The following LYSMD3 variants were observed in gnomAD, a reference collection of about 807,000 sequenced individuals.
LYSMD3 encodes the protein lysM and putative peptidoglycan-binding domain-containing protein 3.
Under a neutral mutation model 26.1 loss-of-function variants are expected in LYSMD3, and 13 were observed. The ratio of observed to expected loss-of-function variants is 0.50; its 90% CI spans 0.32 to 0.79. LYSMD3 has a LOEUF of 0.79. LYSMD3 is among the 30% of genes least tolerant of loss of function. The pLI is 0.03. For synonymous variants in LYSMD3, 109 were observed against 119.4 expected (o/e 0.91, Z 0.57); for missense variants, 331 against 362.5 (o/e 0.91, Z 0.71).
At chr5:90,526,768 T>A (rs1753233144) in intron 1 of LYSMD3, among the ~76,000 whole-genome samples, 1 of 152,192 alleles carries the variant, frequency 6.6e-6, no homozygotes, top group Admixed American at 6.5e-5. Flanking sequence ...TGCATGGCTA[T>A]GATTATGAAT....
At chr5:90,522,302 T>C (rs1355281107) in intron 2 of LYSMD3, among the ~76,000 whole-genome samples, 1 of 152,228 alleles carries the variant, frequency 6.6e-6, no homozygotes, top group Non-Finnish European at 1.5e-5. Flanking sequence ...GCTGCCTGCT[T>C]ATGTACAACC....
Position 90,518,551 on chromosome 5 carries a change from T to C in LYSMD3, c.*268A>G, listed in dbSNP as rs1707560296. The C allele has an allele frequency of 2.1e-5, 7 of 339,500 alleles. No individual in the cohort carries two copies. Among genetic ancestry groups the C allele is most frequent in the African/African-American group, 6.3e-5 (3 of 47,332 alleles). 21.0% of individuals were successfully genotyped at this position (339,500 alleles called of 1,614,324 possible). On this transcript the variant is annotated 3_prime_UTR_variant, in exon 3 of 3. Coordinates refer to ENST00000315948, the MANE Select transcript of LYSMD3 (RefSeq NM_198273.2). ...ATTTAAACATGCATTTTAAGAAAAATGATACATCTTCCAAGTTAAGTACTT... is the reference window on the plus strand; with the variant it reads ...ATTTAAACATGCATTTTAAGAAAAACGATACATCTTCCAAGTTAAGTACTT...
chr5:90,525,719 C>T (rs557055611), intron 1 of LYSMD3, among the ~76,000 whole-genome samples: 5 of 152,136 alleles, frequency 3.3e-5, no homozygotes, highest in South Asian at 2.1e-4. Flanking sequence ...CAAAGTGCTA[C>T]GATTACAGGT....
At chr5:90,519,697 C>T (rs2151920766) in intron 2 of LYSMD3, among the ~76,000 whole-genome samples, 2 of 152,216 alleles carry the variant, frequency 1.3e-5, no homozygotes, top group East Asian at 3.9e-4. Flanking sequence ...CTACTTTTTA[C>T]TATCACCCAT....
Position 90,525,268 on chromosome 5 carries a change from G to C in LYSMD3, c.22C>G (p.Arg8Gly). 2.7e-5 allele frequency: 44 copies of C among 1,607,796 alleles called. No individual in the cohort carries two copies. The highest frequency in any genetic ancestry group is 3.7e-5 in the Non-Finnish European group (44 of 1,177,782). MAGRHQNRSFPLPGVQSS... is the reference protein window; with the variant it reads MAGRHQNGSFPLPGVQSS... Reference sequence around the variant, plus strand: ...TGAACTCCTGGAAGAGGAAAACTACGATTCTGATGCCTCCCTGCCATAATG... The same window carrying C: ...TGAACTCCTGGAAGAGGAAAACTACCATTCTGATGCCTCCCTGCCATAATG... Residue 8 changes from arginine to glycine, a missense_variant, in exon 2 of 3, where the codon CGT becomes GGT. Transcript: ENST00000315948.
rs747603785 is a variant in LYSMD3 at position 90,519,339 on chromosome 5, G to C, written c.401C>G (p.Ser134Cys). 1 of 1,614,100 alleles carries C rather than the reference G, an allele frequency of 6.2e-7. No individual in the cohort carries two copies. The highest frequency in any genetic ancestry group is 8.5e-7 in the Non-Finnish European group (1 of 1,179,980). ...CTGTTGTTCGGAAGAGTATTGAACA[G>C]ATGAATGACGTGAAGTCTGTCTTCC... is the stretch of plus-strand genomic sequence containing the variant. ...PKGRQTSRHS[S>C]VQYSSEQQEI... The change falls in exon 3 of 3, where the codon TCT (serine) becomes TGT (cysteine). Residue 134 changes from serine to cysteine, a missense_variant. Coordinates refer to ENST00000315948, the MANE Select transcript of LYSMD3 (RefSeq NM_198273.2).
Position 90,525,077 on chromosome 5 carries a change from T to TTCTTGTATA in LYSMD3, c.204_212dup (p.Asp68_Gln70dup). 6.2e-7 allele frequency: 1 copy of TTCTTGTATA among 1,612,830 alleles called. No individual in the cohort carries two copies. The highest frequency in any genetic ancestry group is 8.5e-7 in the Non-Finnish European group (1 of 1,179,016). On this transcript the variant is annotated inframe_insertion, in exon 2 of 3. Transcript: ENST00000315948. ...GGGCTATTGCATTTAATGTATCTCC[T>TTCTTGTATA]TCTTGTATATCTTTTGTTAATACTA...
At chr5:90,520,259 A>G in intron 2 of LYSMD3, 1 of 398,326 alleles carries the variant, frequency 2.5e-6, no homozygotes, top group Non-Finnish European at 5.1e-6. Flanking sequence ...GTGTTGGGGG[A>G]AGAGGGGAGT....
chr5:90,525,516 C>T (rs1317983995), intron 1 of LYSMD3, among the ~76,000 whole-genome samples: 2 of 152,164 alleles, frequency 1.3e-5, no homozygotes, highest in Admixed American at 1.3e-4. Flanking sequence ...GTAGTGCGAT[C>T]TCAGCTCACT....
intron 2 of LYSMD3, among the ~76,000 whole-genome samples, chr5:90,523,897 GA>G (rs1384204965): frequency 6.6e-6 from 1 of 152,068 alleles, no homozygotes; most frequent in African/African-American, 2.4e-5. Flanking sequence ...TATCAATGTG[GA>G]TATAAAAATA....
rs5005027 is a variant in LYSMD3, at chr5:90,519,495, G to A, written c.256-11C>T. On this transcript the variant is annotated splice_polypyrimidine_tract_variant and intron_variant, in intron 2 of 2. Transcript: ENST00000315948. ...CTTGATATCTGCTACCTGTGGGGGGGAAAAAAAAGCAACATACAACTGAAT... is the reference window on the plus strand; with the variant it reads ...CTTGATATCTGCTACCTGTGGGGGGAAAAAAAAAGCAACATACAACTGAAT... 1.2e-4 allele frequency: 179 copies of A among 1,556,214 alleles called. No homozygotes were observed. Among genetic ancestry groups the A allele is most frequent in the Admixed American group, 2.2e-4 (12 of 53,422 alleles).
At chr5:90,524,181 A>G (rs922999853) in intron 2 of LYSMD3, among the ~76,000 whole-genome samples, 3 of 152,216 alleles carry the variant, frequency 2.0e-5, no homozygotes, top group Non-Finnish European at 4.4e-5. Context: ...ACATTATACA[A>G]CCATTTAAAA....
chr5:90,525,793 G>A (rs1753209575), intron 1 of LYSMD3, among the ~76,000 whole-genome samples: 1 of 152,114 alleles, frequency 6.6e-6, no homozygotes, highest in Non-Finnish European at 1.5e-5. Flanking sequence ...AAACGTATTT[G>A]GCAGTGGAGA....
chr5:90,524,243 C>T lies in LYSMD3; in HGVS notation c.255+792G>A, dbSNP rs1160595293. ...TGGTCATGAGGGTGTCCATGATACACTAAAGAATGAAAAATGCAAGTTGCA... is the reference window on the plus strand; with the variant it reads ...TGGTCATGAGGGTGTCCATGATACATTAAAGAATGAAAAATGCAAGTTGCA... On this transcript the variant is annotated intron_variant, in intron 2 of 2. Transcript: ENST00000315948. Among the ~76,000 whole-genome samples, 8 of 152,166 alleles carry T rather than the reference C, an allele frequency of 5.3e-5. No individual in the cohort carries two copies. The South Asian group carries it at 1.2e-3, about 24-fold the overall frequency.
rs1029618615 is a variant in LYSMD3, at chr5:90,515,912, A to T, written c.*2907T>A. 1.3e-5 allele frequency: 2 copies of T among 152,224 alleles called. No individual in the cohort carries two copies. The highest frequency in any genetic ancestry group is 4.8e-5 in the African/African-American group (2 of 41,478). 9.4% of individuals were successfully genotyped at this position (152,224 alleles called of 1,614,324 possible). On this transcript the variant is annotated 3_prime_UTR_variant, in exon 3 of 3. Transcript: ENST00000315948. ...TGTAATGCAAATTAAAAATGAATCC[A>T]TCAGTGCACCATTTAAATACAGACT...
At chr5:90,527,856 A>C (rs1271183523) in intron 1 of LYSMD3, among the ~76,000 whole-genome samples, 1 of 152,234 alleles carries the variant, frequency 6.6e-6, no homozygotes, top group Non-Finnish European at 1.5e-5. Flanking sequence ...CTTGAAAAGC[A>C]CTTTCTGACC....
chr5:90,524,074 G>A (rs891503765), intron 2 of LYSMD3, among the ~76,000 whole-genome samples: 1 of 152,140 alleles, frequency 6.6e-6, no homozygotes, highest in Non-Finnish European at 1.5e-5. Flanking sequence ...AGATATAGTT[G>A]TGATGATATT....
At chr5:90,527,259 T>G (rs976008247) in intron 1 of LYSMD3, among the ~76,000 whole-genome samples, 2 of 152,190 alleles carry the variant, frequency 1.3e-5, no homozygotes, top group Non-Finnish European at 2.9e-5. Context: ...ACTCTGAAAT[T>G]TGAAATACTT....
Position 90,518,847 on chromosome 5 carries a change from T to C in LYSMD3, c.893A>G (p.Gln298Arg), listed in dbSNP as rs1331872201. Reference sequence around the variant, plus strand: ...TGTTTCCTGTTGAGCAGCAGGTGACTGAGAATCTTGACTATACAGTTTATG... The same window carrying C: ...TGTTTCCTGTTGAGCAGCAGGTGACCGAGAATCTTGACTATACAGTTTATG... ...DDHKLYSQDSQSPAAQQET is the reference protein window; with the variant it reads ...DDHKLYSQDSRSPAAQQET The change falls in exon 3 of 3, where the codon CAG (glutamine) becomes CGG (arginine). Residue 298 changes from glutamine to arginine, a missense_variant. Transcript: ENST00000315948. 1.2e-6 allele frequency: 2 copies of C among 1,613,318 alleles called. No individual in the cohort carries two copies. Among genetic ancestry groups the C allele is most frequent in the Non-Finnish European group, 8.5e-7 (1 of 1,179,654 alleles).
Sources: allele counts gnomAD v4.1 joint callset (sites outside exome capture counted in the v4.1 genomes callset), GRCh38; gene constraint gnomAD v4.1.1; transcripts MANE v1.5; gene names NCBI Gene and HGNC (gene_info 2026-07-23, HGNC 2026-07-21).